The following ST6GALNAC3 variants were observed in gnomAD, a reference collection of about 807,000 sequenced individuals.
ST6GALNAC3 encodes the protein ST6 N-acetylgalactosaminide alpha-2,6-sialyltransferase 3.
ST6GALNAC3 carries 25 observed loss-of-function variants against 32.7 expected under a neutral mutation model. The ratio of observed to expected loss-of-function variants is 0.76; its 90% confidence interval spans 0.56 to 1.07. ST6GALNAC3 has a LOEUF of 1.07. Among genes scored for constraint, ST6GALNAC3 ranks in the 50% least tolerant of loss-of-function variants. The pLI is 0.00. For synonymous variants in ST6GALNAC3, 129 were observed against 133.1 expected, an observed-to-expected ratio of 0.97 and a Z score of 0.21; for missense variants, 355 against 382.4, an observed-to-expected ratio of 0.93 and a Z score of 0.60.
In ST6GALNAC3 at chr1:76,274,300, A is replaced by G. The variant is rs192955738; in HGVS notation, c.19-39505A>G. On this transcript the variant is annotated intron_variant, in intron 1 of 4. Transcript: ENST00000328299. ...TTTTTAAAGTTTTTATAAAAATTCTAATTTACCCTTTTAAATACATACCTG... is the reference window on the plus strand; with the variant it reads ...TTTTTAAAGTTTTTATAAAAATTCTGATTTACCCTTTTAAATACATACCTG... Among the ~76,000 whole-genome samples the G allele has an allele frequency of 2.5e-3, 385 of 152,300 alleles. 1 individual carries two copies. Among genetic ancestry groups the G allele is most frequent in the Middle Eastern group, 0.01 (3 of 294 alleles).
intron 3 of ST6GALNAC3, among the ~76,000 whole-genome samples, chr1:76,440,158 T>C (rs12756608): frequency 0.25 from 38,698 of 152,136 alleles, 5,294 homozygotes; most frequent in Non-Finnish European, 0.3. Flanking sequence ...GCCAATAACC[T>C]GAGTAAAGAG....
At chr1:76,581,391 G>A (rs1479048622) in intron 3 of ST6GALNAC3, among the ~76,000 whole-genome samples, 1 of 152,156 alleles carries the variant, frequency 6.6e-6, no homozygotes, top group African/African-American at 2.4e-5. Context: ...TGGGAAGAGT[G>A]CATGTGTTAT....
At chr1:76,559,658 C>T (rs1665132431) in intron 3 of ST6GALNAC3, among the ~76,000 whole-genome samples, 1 of 152,136 alleles carries the variant, frequency 6.6e-6, no homozygotes, top group Non-Finnish European at 1.5e-5. Flanking sequence ...AATTTAACAA[C>T]TATGTACACA....
At chr1:76,160,859 A>G (rs1251127008) in intron 1 of ST6GALNAC3, among the ~76,000 whole-genome samples, 3 of 151,410 alleles carry the variant, frequency 2.0e-5, no homozygotes, top group Non-Finnish European at 2.9e-5. Context: ...CTGCTGTATA[A>G]TCAACATATC....
At chr1:76,527,171 T>G (rs140364231) in intron 3 of ST6GALNAC3, among the ~76,000 whole-genome samples, 116 of 152,112 alleles carry the variant, frequency 7.6e-4, no homozygotes, top group Admixed American at 1.9e-3. Context: ...TTTCAGCACA[T>G]CCCCAGGTTT....
intron 3 of ST6GALNAC3, among the ~76,000 whole-genome samples, chr1:76,476,354 A>G (rs772718005): frequency 4.6e-5 from 7 of 152,126 alleles, no homozygotes; most frequent in Non-Finnish European, 8.8e-5. Flanking sequence ...AGCTCATACA[A>G]AAACAGGCTA....
chr1:76,126,871 C>A (rs1230172034), intron 1 of ST6GALNAC3, among the ~76,000 whole-genome samples: 1 of 152,204 alleles, frequency 6.6e-6, no homozygotes, highest in Non-Finnish European at 1.5e-5. Flanking sequence ...AAGGAAGAGT[C>A]TAAACACCTC....
intron 3 of ST6GALNAC3, among the ~76,000 whole-genome samples, chr1:76,414,504 C>T (rs1265041574): frequency 1.3e-5 from 2 of 152,020 alleles, no homozygotes; most frequent in African/African-American, 4.8e-5. Flanking sequence ...ATGTTAAAGA[C>T]TTTTATTGTC....
chr1:76,160,505 CAG>C (rs1651739648), intron 1 of ST6GALNAC3, among the ~76,000 whole-genome samples: 1 of 152,154 alleles, frequency 6.6e-6, no homozygotes, highest in African/African-American at 2.4e-5. Context: ...TGGTGCTTCA[CAG>C]AGTGAAGAAA....
intron 3 of ST6GALNAC3, among the ~76,000 whole-genome samples, chr1:76,462,892 A>G (rs540279147): frequency 1.2e-3 from 187 of 152,320 alleles, no homozygotes; most frequent in South Asian, 3.9e-3. Context: ...GTGACCAATT[A>G]CATATCTGCT....
intron 2 of ST6GALNAC3, among the ~76,000 whole-genome samples, chr1:76,380,129 T>C (rs979087874): frequency 6.6e-6 from 1 of 152,158 alleles, no homozygotes; most frequent in Admixed American, 6.6e-5. Flanking sequence ...AGATGGGGAC[T>C]CTTAGAAAGT....
At chr1:76,180,783 C>A (rs1653128108) in intron 1 of ST6GALNAC3, among the ~76,000 whole-genome samples, 1 of 152,146 alleles carries the variant, frequency 6.6e-6, no homozygotes, top group Non-Finnish European at 1.5e-5. Flanking sequence ...CCCATTCCAT[C>A]TCCTGTCTAG....
chr1:76,626,846 C>T (rs1648998391), intron 3 of ST6GALNAC3, among the ~76,000 whole-genome samples: 1 of 151,862 alleles, frequency 6.6e-6, no homozygotes, highest in Non-Finnish European at 1.5e-5. Context: ...TACCATGTAG[C>T]TTGTTCAATG....
intron 2 of ST6GALNAC3, among the ~76,000 whole-genome samples, chr1:76,351,244 A>G (rs1169360799): frequency 1.3e-5 from 2 of 152,210 alleles, no homozygotes; most frequent in African/African-American, 4.8e-5. Flanking sequence ...GGAACAAATT[A>G]TGTAGCATAG....
chr1:76,394,509 TAGAA>T (rs1652793860), intron 2 of ST6GALNAC3, among the ~76,000 whole-genome samples: 1 of 152,174 alleles, frequency 6.6e-6, no homozygotes, highest in Non-Finnish European at 1.5e-5. Flanking sequence ...CAAAAAGATA[TAGAA>T]AAGATATGGC....
chr1:76,502,805 C>T (rs1167386010), intron 3 of ST6GALNAC3, among the ~76,000 whole-genome samples: 1 of 152,126 alleles, frequency 6.6e-6, no homozygotes, highest in Non-Finnish European at 1.5e-5. Context: ...TTGCCCAAGA[C>T]CACAGTAGCT....
intron 1 of ST6GALNAC3, among the ~76,000 whole-genome samples, chr1:76,205,342 C>T (rs927806728): frequency 2.0e-5 from 3 of 152,106 alleles, no homozygotes; most frequent in Non-Finnish European, 4.4e-5. Flanking sequence ...ACAGCCTCCC[C>T]CTTTACCTTC....
chr1:76,507,855 T>C (rs1661573613), intron 3 of ST6GALNAC3, among the ~76,000 whole-genome samples: 2 of 152,224 alleles, frequency 1.3e-5, no homozygotes, highest in Non-Finnish European at 2.9e-5. Context: ...AGTGCTAGAC[T>C]GTTTTTCAAA....
intron 2 of ST6GALNAC3, among the ~76,000 whole-genome samples, chr1:76,399,500 C>T (rs941675548): frequency 1.1e-4 from 17 of 152,166 alleles, no homozygotes; most frequent in African/African-American, 3.6e-4. Context: ...GTCAATGTGT[C>T]TGCCCTTGTG....
Sources: allele counts gnomAD v4.1 joint callset (sites outside exome capture counted in the v4.1 genomes callset), GRCh38; gene constraint gnomAD v4.1.1; transcripts MANE v1.5; gene names NCBI Gene and HGNC (gene_info 2026-07-23, HGNC 2026-07-21).